The following ABCA12 variants were observed in gnomAD, a reference collection of about 807,000 sequenced individuals.
ABCA12 encodes the protein glucosylceramide transporter ABCA12.
A neutral mutation model predicts 293.5 loss-of-function variants in ABCA12; 156 were observed. The ratio of observed to expected loss-of-function variants is 0.53; its 90% confidence interval spans 0.47 to 0.61. The LOEUF is 0.61. Among genes scored for constraint, ABCA12 ranks in the 20% least tolerant of loss-of-function variants. ABCA12 has a pLI of 0.00. For missense variants in ABCA12, 2,797 were observed against 3,090.2 expected (o/e 0.91, Z 2.25); for synonymous variants, 1,063 against 1,108.0 (o/e 0.96, Z 0.81).
At position 215,037,043 on chromosome 2, in the gene ABCA12, CCTT is replaced by C; in HGVS notation, c.892_894del (p.Lys298del). On this transcript the variant is annotated inframe_deletion, in exon 8 of 53. Coordinates refer to ENST00000272895, the MANE Select transcript of ABCA12 (RefSeq NM_173076.3). ...TCGTTAGTTGCAAAACGTGGATAAACCTTCTGCACAACCAGCAGCACACTAAGG... is the reference window on the plus strand; with the variant it reads ...TCGTTAGTTGCAAAACGTGGATAAACCTGCACAACCAGCAGCACACTAAGG... 10 of 1,613,908 alleles carry C rather than the reference CCTT, an allele frequency of 6.2e-6. No homozygotes were observed. The highest frequency in any genetic ancestry group is 7.6e-6 in the Non-Finnish European group (9 of 1,179,856).
At chr2:215,089,075 T>C (rs1031468255) in intron 2 of ABCA12, among the ~76,000 whole-genome samples, 4 of 152,038 alleles carry the variant, frequency 2.6e-5, no homozygotes, top group African/African-American at 9.7e-5. Flanking sequence ...AAGGATAAAA[T>C]TGTGGTCAGA....
intron 1 of ABCA12, among the ~76,000 whole-genome samples, chr2:215,130,848 C>A (rs992266199): frequency 2.6e-5 from 4 of 151,922 alleles, no homozygotes; most frequent in Admixed American, 6.6e-5. Flanking sequence ...TCAACTTTTC[C>A]CCATTCAGCG....
intron 23 of ABCA12, 142 bp from the exon 24 acceptor site, chr2:214,991,173 T>G (rs1880134): frequency 0.85 from 651,434 of 765,358 alleles, 285,411 homozygotes; most frequent in East Asian, 0.95. Flanking sequence ...AATCAAGAAT[T>G]TATCCATGCT....
chr2:215,129,038 T>C (rs1702992828), intron 1 of ABCA12, among the ~76,000 whole-genome samples: 1 of 152,198 alleles, frequency 6.6e-6, no homozygotes, highest in Non-Finnish European at 1.5e-5. Flanking sequence ...TGGCTTCCTG[T>C]GAGCCAAGAG....
At chr2:214,994,779 G>A (rs1700000552) in intron 23 of ABCA12, among the ~76,000 whole-genome samples, 1 of 152,088 alleles carries the variant, frequency 6.6e-6, no homozygotes, top group Non-Finnish European at 1.5e-5. Flanking sequence ...TGAAGTACTA[G>A]GAGACTAAAA....
At chr2:215,117,607 C>G (rs1382792720) in intron 1 of ABCA12, among the ~76,000 whole-genome samples, 1 of 152,152 alleles carries the variant, frequency 6.6e-6, no homozygotes. Flanking sequence ...AACTTTAGGT[C>G]ATCACTACTT....
At chr2:215,000,600 T>C in intron 22 of ABCA12, 105 bp downstream of exon 22, 1 of 1,341,602 alleles carries the variant, frequency 7.5e-7, no homozygotes, top group East Asian at 2.3e-5. Flanking sequence ...TACAAAAGTT[T>C]GGTGAATGTT....
intron 6 of ABCA12, among the ~76,000 whole-genome samples, chr2:215,048,832 AATGAG>A (rs1292318771): frequency 1.3e-5 from 2 of 152,214 alleles, no homozygotes; most frequent in Admixed American, 6.5e-5. Context: ...CATAACAAAG[AATGAG>A]ATGATGTCCT....
At chr2:215,094,168 T>C (rs1209920498) in intron 2 of ABCA12, among the ~76,000 whole-genome samples, 1 of 152,188 alleles carries the variant, frequency 6.6e-6, no homozygotes, top group Non-Finnish European at 1.5e-5. Flanking sequence ...ACCACCATGC[T>C]GTTACATGGG....
Position 214,947,439 on chromosome 2 carries a change from GT to G in ABCA12, c.7221del (p.Lys2407AsnfsTer57). The G allele has an allele frequency of 6.2e-7, 1 of 1,613,904 alleles. No homozygotes were observed. Among genetic ancestry groups the G allele is most frequent in the Non-Finnish European group, 8.5e-7 (1 of 1,179,830 alleles). On this transcript the variant is annotated frameshift_variant, in exon 48 of 53. Coordinates refer to ENST00000272895, the MANE Select transcript of ABCA12 (RefSeq NM_173076.3). LOFTEE classifies it high-confidence loss of function. ...TCTCTTACCAGCAGTAGAATGGAAG[GT>G]TTCCCTATCAAGGCCAGTGCAGTGG... ...KLSTALALIG[K>X]PSILLLDEPS... is the part of the protein sequence containing the mutation.
At chr2:215,006,581 T>A (rs182696356) in intron 19 of ABCA12, among the ~76,000 whole-genome samples, 248 of 152,266 alleles carry the variant, frequency 1.6e-3, no homozygotes, top group Non-Finnish European at 2.2e-3. Context: ...TTTCTGACCA[T>A]CTCATATCAT....
chr2:215,127,796 GT>G (rs1702959561), intron 1 of ABCA12, among the ~76,000 whole-genome samples: 1 of 152,120 alleles, frequency 6.6e-6, no homozygotes, highest in Admixed American at 6.6e-5. Context: ...TTCATTGTTG[GT>G]ATTGAAATAT....
rs1698618695 is a variant in ABCA12, at chr2:214,947,480, G to T, written c.7181C>A (p.Thr2394Lys). ...CAGTGCAGTGGATAATTTTCTTTTT[G>T]TGCCATAACTGCACATAGAGGTAGC... ...DRATSMCSYG[T>K]KRKLSTALAL... Residue 2394 changes from threonine to lysine, a missense_variant, in exon 48 of 53, where the codon ACA (threonine) becomes AAA (lysine). Transcript: ENST00000272895. 1 of 1,613,794 alleles carries T rather than the reference G, an allele frequency of 6.2e-7. No homozygotes were observed.
intron 3 of ABCA12, 147 bp downstream of exon 3, chr2:215,063,919 C>G: frequency 1.0e-6 from 1 of 986,920 alleles, no homozygotes; most frequent in Non-Finnish European, 1.6e-6. Context: ...TTTATACCTA[C>G]TTTGTTATTT....
At chr2:215,018,492 T>A (rs1041612639) in intron 13 of ABCA12, among the ~76,000 whole-genome samples, 1 of 152,178 alleles carries the variant, frequency 6.6e-6, no homozygotes, top group Non-Finnish European at 1.5e-5. Flanking sequence ...ATTCAATATG[T>A]TTTTTTAATC....
intron 7 of ABCA12, chr2:215,044,327 C>A (rs1701160535): frequency 6.6e-6 from 1 of 152,130 alleles, no homozygotes; most frequent in Non-Finnish European, 1.5e-5. Flanking sequence ...TTGGAATTAT[C>A]CATCTTTTAA....
chr2:214,948,224 G>A (rs1698641041), intron 47 of ABCA12, among the ~76,000 whole-genome samples: 1 of 152,116 alleles, frequency 6.6e-6, no homozygotes, highest in Non-Finnish European at 1.5e-5. Flanking sequence ...TTTTACTTGG[G>A]CATTTTGCCG....
Position 215,078,454 on chromosome 2 carries a change from A to C in ABCA12, c.164-14235T>G, listed in dbSNP as rs145192929. Among the ~76,000 whole-genome samples the C allele has an allele frequency of 1.9e-3, 283 of 152,302 alleles. 1 individual carries two copies. Among genetic ancestry groups the C allele is most frequent in the African/African-American group, 6.3e-3 (262 of 41,584 alleles). On this transcript the variant is annotated intron_variant, in intron 2 of 52. Transcript: ENST00000272895. ...GGATGCTATCATAGAATTCTTGTTA[A>C]TCTTTCACATTTCGGGTAATGTTGC...
intron 18 of ABCA12, among the ~76,000 whole-genome samples, chr2:215,009,572 G>A (rs375168188): frequency 6.6e-6 from 1 of 151,944 alleles, no homozygotes; most frequent in African/African-American, 2.4e-5. Context: ...AAGCAAATAA[G>A]GTATTAAATC....
Sources: gnomAD v4.1 joint callset for allele counts (sites outside exome capture counted in the v4.1 genomes callset) on GRCh38, gnomAD v4.1.1 for gene constraint, MANE v1.5 for transcripts, NCBI Gene and HGNC (gene_info 2026-07-23, HGNC 2026-07-21) for gene names.